Variants in MCF2L observed in about 807,000 individuals in gnomAD.
MCF2L encodes the protein guanine nucleotide exchange factor DBS.
A neutral mutation model predicts 153.4 loss-of-function variants in MCF2L; 97 were observed. The ratio of observed to expected loss-of-function variants is 0.63; its 90% CI spans 0.54 to 0.75. The LOEUF is 0.75. Among genes scored for constraint, MCF2L ranks in the 30% least tolerant of loss-of-function variants. MCF2L has a pLI of 0.00. For synonymous variants in MCF2L, 659 were observed against 632.2 expected (o/e 1.04, Z -0.64); for missense variants, 1,347 against 1,495.2 (o/e 0.90, Z 1.64).
At chr13:112,935,562 C>T (rs2081506697) in intron 2 of MCF2L, among the ~76,000 whole-genome samples, 1 of 152,208 alleles carries the variant, frequency 6.6e-6, no homozygotes, top group Admixed American at 6.5e-5. Flanking sequence ...CGACCCCATA[C>T]TTCATTTTAA....
intron 1 of MCF2L, among the ~76,000 whole-genome samples, chr13:112,991,315 A>C (rs1471195098): frequency 6.9e-6 from 1 of 144,400 alleles, no homozygotes; most frequent in African/African-American, 2.6e-5. Context: ...CCAGGACCTG[A>C]TTTGCTGTGT....
chr13:113,078,213 G>T, intron 13 of MCF2L, 150 bp from the exon 14 acceptor site: 1 of 652,788 alleles, frequency 1.5e-6, no homozygotes, highest in Admixed American at 2.6e-5. Context: ...ACCCCCTGTG[G>T]CCTCAGAGGC....
chr13:112,934,158 C>A (rs2081490696), intron 2 of MCF2L, among the ~76,000 whole-genome samples: 4 of 152,214 alleles, frequency 2.6e-5, no homozygotes. Context: ...CTGGCAGGGA[C>A]CCTGGCGGCA....
rs2081969366 is a variant in MCF2L at position 112,969,492 on chromosome 13, C to G, written c.79+34C>G. 3 of 1,549,760 alleles carry G rather than the reference C, an allele frequency of 1.9e-6. No individual in the cohort carries two copies. In the East Asian group the frequency reaches 7.3e-5, roughly 38 times the overall value. ...AGCTGCTGGCCGTCAGTGATCTGTG[C>G]TTAAGCTTGACATCATGGGCTGAAA... On this transcript the variant is annotated intron_variant, in intron 1 of 29. Transcript: ENST00000535094. This position sits in a 1 kb window ranked among gnomAD's most constrained non-coding sequence, Gnocchi z 4.8.
At chr13:112,970,992 C>T (rs2082020568) in intron 1 of MCF2L, among the ~76,000 whole-genome samples, 1 of 152,166 alleles carries the variant, frequency 6.6e-6, no homozygotes, top group African/African-American at 2.4e-5. Context: ...CGGTTATGAG[C>T]ACCCTGTAGC....
At position 113,035,098 on chromosome 13, in the gene MCF2L, C is replaced by T. The variant is rs973435315; in HGVS notation, c.279-10173C>T. 1.8e-4 allele frequency among the ~76,000 whole-genome samples: 27 copies of T among 152,344 alleles called. No individual in the cohort carries two copies. Among genetic ancestry groups the T allele is most frequent in the Admixed American group, 9.8e-4 (15 of 15,306 alleles). ...GTTCAGCACCCCCGTGCAGACCTCA[C>T]CATTCCCGACGGGAACACTTGTGAT... On this transcript the variant is annotated intron_variant, in intron 3 of 29. Transcript: ENST00000535094. This position sits in a 1 kb window ranked among gnomAD's most constrained non-coding sequence, Gnocchi z 4.4.
intron 2 of MCF2L, among the ~76,000 whole-genome samples, chr13:112,949,476 A>G (rs535650007): frequency 2.0e-5 from 3 of 152,334 alleles, no homozygotes; most frequent in South Asian, 4.1e-4. Context: ...ACACAAGCCC[A>G]TAACAAGATA....
At position 113,070,051 on chromosome 13, in the gene MCF2L, T is replaced by C; in HGVS notation, c.882-8T>C. ...CCACACAGACGGTCAACTCCTCCTCTTTCCCAGGCTCCTGGCCCAGCTGAA... is the reference window on the plus strand; with the variant it reads ...CCACACAGACGGTCAACTCCTCCTCCTTCCCAGGCTCCTGGCCCAGCTGAA... On this transcript the variant is annotated splice_polypyrimidine_tract_variant and splice_region_variant and intron_variant, in intron 8 of 29. Coordinates refer to ENST00000535094, the MANE Select transcript of MCF2L (RefSeq NM_001112732.3). The surrounding 1 kb of genome is among the most constrained non-coding windows in gnomAD (Gnocchi z 5.6). 1 of 1,605,100 alleles carries C rather than the reference T, an allele frequency of 6.2e-7. No homozygotes were observed. Among genetic ancestry groups the C allele is most frequent in the Non-Finnish European group, 8.5e-7 (1 of 1,175,262 alleles).
upstream of MCF2L, among the ~76,000 whole-genome samples, chr13:112,964,214 G>A (rs959491954): frequency 8.5e-5 from 13 of 152,238 alleles, no homozygotes; most frequent in African/African-American, 2.4e-4. Context: ...CGGCACCCCA[G>A]GTTCTACAGT....
rs1377205007 is a variant in MCF2L at position 113,033,398 on chromosome 13, TG to T, written c.278+8641del. Among the ~76,000 whole-genome samples the T allele has an allele frequency of 8.6e-3, 998 of 116,036 alleles. 271 individuals are homozygous for T. The highest frequency in any genetic ancestry group is 0.031 in the East Asian group (108 of 3,536). The allele number at this position is 116,036 out of a possible 152,430, so 76.1% of individuals were successfully genotyped here. A position where few individuals can be genotyped will look rare whatever the true frequency, so the allele number is the denominator to read the frequency against. ...CGTGACGTGAGTGGCCCCCGTGATG[TG>T]AGTGGACCCCGTGGCGTGAGTGGCC... is the stretch of plus-strand genomic sequence containing the variant. On this transcript the variant is annotated intron_variant, in intron 3 of 29. Coordinates refer to ENST00000535094, the MANE Select transcript of MCF2L (RefSeq NM_001112732.3).
At chr13:113,091,173 C>A in intron 26 of MCF2L, 1 of 1,304,480 alleles carries the variant, frequency 7.7e-7, no homozygotes, top group Non-Finnish European at 1.0e-6. Flanking sequence ...TAAAGAGCGA[C>A]CCGACTCCCT....
intron 1 of MCF2L, among the ~76,000 whole-genome samples, chr13:112,900,690 T>C (rs2081111292): frequency 2.6e-5 from 4 of 152,096 alleles, no homozygotes; most frequent in Admixed American, 2.6e-4. Flanking sequence ...GGTGTGGCCC[T>C]GGTGTCCCCA....
At chr13:112,897,672 A>G (rs751785224) in intron 1 of MCF2L, among the ~76,000 whole-genome samples, 1 of 152,252 alleles carries the variant, frequency 6.6e-6, no homozygotes, top group Non-Finnish European at 1.5e-5. Context: ...GAGACCGGAG[A>G]GGGTAACCGT....
intron 1 of MCF2L, among the ~76,000 whole-genome samples, chr13:112,974,680 T>C (rs984342473): frequency 5.3e-5 from 8 of 152,134 alleles, no homozygotes; most frequent in African/African-American, 1.7e-4. Flanking sequence ...CTAGTAAATA[T>C]GAGAGAAGCT....
intron 13 of MCF2L, among the ~76,000 whole-genome samples, chr13:113,077,878 G>A (rs2033665946): frequency 6.6e-6 from 1 of 152,212 alleles, no homozygotes; most frequent in Admixed American, 6.5e-5. Context: ...TCAATCTCAG[G>A]GGCCCCGGGG....
intron 2 of MCF2L, among the ~76,000 whole-genome samples, chr13:112,959,660 G>T (rs2081800404): frequency 6.6e-6 from 1 of 152,150 alleles, no homozygotes; most frequent in Admixed American, 6.5e-5. Flanking sequence ...CTATTAGAGG[G>T]AATATCTCAT....
chr13:113,012,192 A>G (rs1410578503), intron 1 of MCF2L, among the ~76,000 whole-genome samples: 3 of 93,890 alleles, frequency 3.2e-5, no homozygotes, highest in Non-Finnish European at 6.9e-5. Context: ...TGGATGGTGG[A>G]CAGGCGGTGT....
chr13:113,081,768 C>T (rs9577207), intron 16 of MCF2L, among the ~76,000 whole-genome samples: 10,345 of 152,256 alleles, frequency 0.068, 467 homozygotes, highest in East Asian at 0.23. Flanking sequence ...GTGTAGACAG[C>T]GAGTGTGCAC....
chr13:112,937,819 GGTTGGTTCAGGTGAGCTCTGAGGT>G (rs1393766917), intron 2 of MCF2L, among the ~76,000 whole-genome samples: 1 of 3,780 alleles, frequency 2.6e-4, no homozygotes, highest in Non-Finnish European at 7.4e-4. Context: ...TGCTCTGAGT[GGTTGGTTCAGGTGAGCTCTGAGGT>G]GTTGGTTCAG....
Sources: gnomAD v4.1 joint callset for allele counts (sites outside exome capture counted in the v4.1 genomes callset) on GRCh38, gnomAD v4.1.1 for gene constraint, Gnocchi (gnomAD v3.1) non-coding constraint, MANE v1.5 for transcripts, NCBI Gene and HGNC (gene_info 2026-07-23, HGNC 2026-07-21) for gene names.